The following KAZN variants were observed in gnomAD, a reference collection of about 807,000 sequenced individuals.
The protein encoded by KAZN is kazrin, periplakin interacting protein.
KAZN carries 40 observed loss-of-function variants against 87.4 expected under a neutral mutation model. The observed-to-expected ratio is 0.46, with a 90% CI of 0.36 to 0.60. The LOEUF is 0.60. Among genes scored for constraint, KAZN ranks in the 20% least tolerant of loss-of-function variants. The probability of loss-of-function intolerance (pLI) is 0.00; values close to 1 mark genes in which losing one functional copy is unlikely to be tolerated. For missense variants in KAZN, 898 were observed against 1,073.9 expected (o/e 0.84, Z 2.29); for synonymous variants, 466 against 458.3 (o/e 1.02, Z -0.22).
intron 2 of KAZN, among the ~76,000 whole-genome samples, chr1:14,292,576 G>A (rs922165880): frequency 6.6e-6 from 1 of 152,236 alleles, no homozygotes; most frequent in Non-Finnish European, 1.5e-5. Flanking sequence ...CCACCCCACT[G>A]CAGGCATCTG....
At chr1:14,351,749 C>G (rs983220456) in intron 2 of KAZN, among the ~76,000 whole-genome samples, 6 of 152,134 alleles carry the variant, frequency 3.9e-5, no homozygotes, top group Non-Finnish European at 8.8e-5. Context: ...TGAGCTCTAC[C>G]CCACAGCAAA....
chr1:13,923,591 A>AAAAAAT (rs1557723290), intron 1 of KAZN, among the ~76,000 whole-genome samples: 1 of 151,034 alleles, frequency 6.6e-6, no homozygotes, highest in Admixed American at 6.6e-5. Context: ...AAAAAAAAAA[A>AAAAAAT]ATATAATTAC....
At chr1:14,444,852 T>C (rs1666892809) in intron 2 of KAZN, among the ~76,000 whole-genome samples, 1 of 152,098 alleles carries the variant, frequency 6.6e-6, no homozygotes, top group Non-Finnish European at 1.5e-5. Flanking sequence ...CCTGAAAACA[T>C]TAGGTTTTAG....
chr1:14,078,180 C>A (rs1279372546), intron 1 of KAZN, among the ~76,000 whole-genome samples: 1 of 152,182 alleles, frequency 6.6e-6, no homozygotes, highest in East Asian at 1.9e-4. Context: ...GGACACATGG[C>A]TGGCACTGAT....
At chr1:14,124,590 G>A (rs1336535695) in intron 1 of KAZN, among the ~76,000 whole-genome samples, 1 of 152,218 alleles carries the variant, frequency 6.6e-6, no homozygotes, top group Non-Finnish European at 1.5e-5. Context: ...CACAGAAAAA[G>A]AAGGAAAGAT....
At chr1:14,173,010 C>T (rs896980489) in intron 1 of KAZN, among the ~76,000 whole-genome samples, 7 of 152,126 alleles carry the variant, frequency 4.6e-5, no homozygotes, top group African/African-American at 9.7e-5. Context: ...GCTGCAAGAC[C>T]TCTTATGACC....
chr1:15,104,266 G>A, intron 13 of KAZN, 77 bp downstream of exon 13: 1 of 1,398,864 alleles, frequency 7.1e-7, no homozygotes, highest in Non-Finnish European at 9.5e-7. Context: ...AGATGGTCCA[G>A]CTCCCCATCC....
chr1:15,103,275 A>T, intron 11 of KAZN, 84 bp from the exon 12 acceptor site: 2 of 986,896 alleles, frequency 2.0e-6, no homozygotes, highest in Non-Finnish European at 3.1e-6. Context: ...TCGGGGGGAA[A>T]AAGAGATGCG....
intron 1 of KAZN, among the ~76,000 whole-genome samples, chr1:14,102,777 A>G (rs1413317701): frequency 2.6e-5 from 4 of 152,058 alleles, no homozygotes; most frequent in Non-Finnish European, 4.4e-5. Context: ...AAACAACAGA[A>G]GTTTACCTTC....
intron 1 of KAZN, among the ~76,000 whole-genome samples, chr1:14,077,247 C>T (rs1055614037): frequency 1.2e-4 from 19 of 152,218 alleles, no homozygotes; most frequent in South Asian, 4.2e-4. Flanking sequence ...CCACTGTCAC[C>T]GTCCATAGAG....
At chr1:14,430,637 G>A (rs1206979595) in intron 2 of KAZN, among the ~76,000 whole-genome samples, 1 of 152,190 alleles carries the variant, frequency 6.6e-6, no homozygotes, top group Non-Finnish European at 1.5e-5. Flanking sequence ...TTATAGCTGG[G>A]TTGAGAAGAC....
At chr1:13,903,178 C>G (rs1010182750) in intron 1 of KAZN, among the ~76,000 whole-genome samples, 1 of 152,218 alleles carries the variant, frequency 6.6e-6, no homozygotes, top group Non-Finnish European at 1.5e-5. Context: ...GCATTCCCAG[C>G]CACCCATCTC....
chr1:14,752,671 T>A (rs1045210828), intron 1 of KAZN, among the ~76,000 whole-genome samples: 2 of 152,110 alleles, frequency 1.3e-5, no homozygotes, highest in Non-Finnish European at 2.9e-5. Context: ...CCCTCATGAC[T>A]GAATCACTTC....
chr1:14,165,801 T>A (rs1433022645), intron 1 of KAZN, among the ~76,000 whole-genome samples: 1 of 152,138 alleles, frequency 6.6e-6, no homozygotes, highest in Non-Finnish European at 1.5e-5. Flanking sequence ...CTTCATGTCT[T>A]AGGGGCAAAC....
rs908890969 is a variant in KAZN, at chr1:14,864,291, G to A, written c.227-96393G>A. ...ACAATGGTTCACATGGGGGCCGGGC[G>A]CGGTGGCTCACGCCTGTAATCCCAG... On this transcript the variant is annotated intron_variant, in intron 1 of 14. Transcript: ENST00000376030. Among the ~76,000 whole-genome samples, 29 of 152,370 alleles carry A rather than the reference G, an allele frequency of 1.9e-4. No individual in the cohort carries two copies. The East Asian group carries it at 4.0e-3, about 21-fold the overall frequency.
chr1:15,060,023 G>T (rs1461134585), intron 5 of KAZN, 149 bp from the exon 6 acceptor site: 2 of 976,346 alleles, frequency 2.0e-6, no homozygotes, highest in Non-Finnish European at 3.0e-6. Context: ...GTGGAGTAGG[G>T]GGTTGGAGAA....
chr1:14,181,597 C>T (rs1014910652), intron 2 of KAZN, among the ~76,000 whole-genome samples: 1 of 152,096 alleles, frequency 6.6e-6, no homozygotes, highest in Non-Finnish European at 1.5e-5. Flanking sequence ...TTTTGAGGCC[C>T]TCTGTTGAGA....
intron 8 of KAZN, among the ~76,000 whole-genome samples, chr1:15,074,939 G>A (rs1639672583): frequency 2.6e-5 from 4 of 152,196 alleles, no homozygotes; most frequent in Admixed American, 2.6e-4. Context: ...GATGATGACC[G>A]TGATGATGAC....
intron 13 of KAZN, 143 bp downstream of exon 13, chr1:15,104,332 A>G: frequency 1.1e-6 from 1 of 876,888 alleles, no homozygotes. Flanking sequence ...GTCACCTTTT[A>G]CAGATCAGGA....
Sources: allele counts gnomAD v4.1 joint callset (sites outside exome capture counted in the v4.1 genomes callset), GRCh38; gene constraint gnomAD v4.1.1; transcripts MANE v1.5; gene names NCBI Gene and HGNC (gene_info 2026-07-23, HGNC 2026-07-21).